The following IL1R2 variants were observed in gnomAD, a reference collection of about 807,000 sequenced individuals.
IL1R2 encodes interleukin-1 receptor type 2.
A neutral mutation model predicts 39.5 loss-of-function variants in IL1R2; 46 were observed. The observed-to-expected ratio is 1.16, with a 90% CI of 0.92 to 1.49. The LOEUF is 1.49. IL1R2 is among the 40% of genes most tolerant of loss of function. The pLI is 0.00. For synonymous variants in IL1R2, 207 were observed against 189.6 expected, an observed-to-expected ratio of 1.09 and a Z score of -0.75; for missense variants, 537 against 502.0, an observed-to-expected ratio of 1.07 and a Z score of -0.67.
intron 6 of IL1R2, 132 bp downstream of exon 6, chr2:102,022,381 T>C (rs1677458863): frequency 1.3e-6 from 1 of 742,682 alleles, no homozygotes; most frequent in Non-Finnish European, 2.4e-6. Flanking sequence ...GTGGAGACCT[T>C]AGAACTCCAG....
chr2:102,007,470 C>T lies in IL1R2; in HGVS notation c.-61-1045C>T, dbSNP rs532006625. Among the ~76,000 whole-genome samples, 11 of 152,258 alleles carry T rather than the reference C, an allele frequency of 7.2e-5. No homozygotes were observed. The East Asian group carries it at 1.7e-3, about 24-fold the overall frequency. On this transcript the variant is annotated intron_variant, in intron 1 of 8. Transcript: ENST00000332549. Reference sequence around the variant, plus strand: ...GCTTTGAGTGATCCATTAACTCACTCATTCATTCATTCAAAAAATGAGAGT... The same window carrying T: ...GCTTTGAGTGATCCATTAACTCACTTATTCATTCATTCAAAAAATGAGAGT...
chr2:102,018,294 C>G (rs1677135882), intron 4 of IL1R2, among the ~76,000 whole-genome samples: 1 of 152,208 alleles, frequency 6.6e-6, no homozygotes, highest in Non-Finnish European at 1.5e-5. Context: ...AAAGTTTTTA[C>G]CTGGAGAGGA....
chr2:102,026,246 C>A lies in IL1R2; in HGVS notation c.1023C>A (p.Val341=). ...GTTTTCAGACACTACGCACCACAGT[C>A]AAGGAAGGTATGTATGTATTTTGGG... The part of the protein sequence containing the change: ...TLSFQTLRTT[V]KEASSTFSWG... Residue 341 remains valine (V), a synonymous_variant, in exon 8 of 9, where the codon GTC becomes GTA. Coordinates refer to ENST00000332549, the MANE Select transcript of IL1R2 (RefSeq NM_004633.4). 2 of 1,609,024 alleles carry A rather than the reference C, an allele frequency of 1.2e-6. No individual in the cohort carries two copies. Among genetic ancestry groups the A allele is most frequent in the South Asian group, 2.2e-5 (2 of 90,096 alleles).
chr2:101,998,363 G>A (rs574206281), intron 1 of IL1R2, among the ~76,000 whole-genome samples: 4 of 152,182 alleles, frequency 2.6e-5, no homozygotes, highest in Non-Finnish European at 5.9e-5. Context: ...GCAATCAGCT[G>A]CCGCTTTTTT....
intron 1 of IL1R2, among the ~76,000 whole-genome samples, chr2:102,008,048 C>G (rs1450358531): frequency 6.6e-6 from 1 of 152,026 alleles, no homozygotes; most frequent in Non-Finnish European, 1.5e-5. Flanking sequence ...AGAGGGGAGA[C>G]AAGGCTGATG....
chr2:102,005,311 A>G (rs1302912866), intron 1 of IL1R2, among the ~76,000 whole-genome samples: 1 of 152,242 alleles, frequency 6.6e-6, no homozygotes, highest in Non-Finnish European at 1.5e-5. Flanking sequence ...AGAGTCAACC[A>G]GCAGAAACTG....
At chr2:102,023,748 A>C (rs1677540620) in intron 6 of IL1R2, 1 of 152,278 alleles carries the variant, frequency 6.6e-6, no homozygotes, top group Non-Finnish European at 1.5e-5. Context: ...CACCATCTAT[A>C]GAAAACACAG....
In IL1R2 at chr2:102,009,649, A is replaced by G; in HGVS notation, c.155A>G (p.Gln52Arg). The change falls in exon 3 of 9, where the codon CAG becomes CGG. Residue 52 changes from glutamine (Q) to arginine (R), a missense_variant. Physicochemically the swap from Gln to Arg is conservative, Grantham distance 43. Coordinates refer to ENST00000332549, the MANE Select transcript of IL1R2 (RefSeq NM_004633.4). ...GAGCCTGTAGCCCTGAGGTGCCCCC[A>G]GGTGCCCTACTGGTTGTGGGCCTCT... Reference protein sequence around the residue: ...EGEPVALRCPQVPYWLWASVS... With the variant: ...EGEPVALRCPRVPYWLWASVS... 6.2e-7 allele frequency: 1 copy of G among 1,614,172 alleles called. No individual in the cohort carries two copies. Among genetic ancestry groups the G allele is most frequent in the Non-Finnish European group, 8.5e-7 (1 of 1,180,010 alleles).
intron 2 of IL1R2, among the ~76,000 whole-genome samples, chr2:102,009,323 G>A (rs1676469236): frequency 6.6e-6 from 1 of 152,168 alleles, no homozygotes; most frequent in Admixed American, 6.5e-5. Flanking sequence ...AACATAAGTT[G>A]GAATGGATAG....
At chr2:101,994,165 A>G (rs1675474017) in intron 1 of IL1R2, among the ~76,000 whole-genome samples, 1 of 152,196 alleles carries the variant, frequency 6.6e-6, no homozygotes, top group Non-Finnish European at 1.5e-5. Context: ...GTTTCAGGGC[A>G]GCTATCCTCT....
At chr2:102,015,283 C>T (rs1471634924) in intron 3 of IL1R2, among the ~76,000 whole-genome samples, 1 of 152,118 alleles carries the variant, frequency 6.6e-6, no homozygotes, top group Non-Finnish European at 1.5e-5. Flanking sequence ...TCTTAATGAA[C>T]CTTGGTGGCA....
At chr2:102,025,807 T>G (rs191276161) in intron 7 of IL1R2, among the ~76,000 whole-genome samples, 89 of 152,318 alleles carry the variant, frequency 5.8e-4, no homozygotes, top group East Asian at 3.9e-3. Context: ...ACTGTTTTTT[T>G]TTGTTGTTGT....
intron 3 of IL1R2, among the ~76,000 whole-genome samples, chr2:102,011,088 G>A (rs138724884): frequency 5.5e-4 from 84 of 152,286 alleles, no homozygotes; most frequent in African/African-American, 1.9e-3. Context: ...TTATGAGGTG[G>A]AATATTATTA....
intron 1 of IL1R2, among the ~76,000 whole-genome samples, chr2:102,007,835 A>G (rs868788851): frequency 2.0e-5 from 3 of 152,254 alleles, no homozygotes; most frequent in Admixed American, 6.5e-5. Context: ...TTCACATATG[A>G]TAAGGTAAAC....
intron 1 of IL1R2, among the ~76,000 whole-genome samples, chr2:102,001,792 G>A (rs1037993485): frequency 2.0e-5 from 3 of 152,058 alleles, no homozygotes; most frequent in Non-Finnish European, 4.4e-5. Context: ...GGTTAATTTT[G>A]ATGTAAATAT....
intron 1 of IL1R2, among the ~76,000 whole-genome samples, chr2:101,997,212 AGGTCT>A (rs1215463647): frequency 6.6e-6 from 1 of 152,114 alleles, no homozygotes; most frequent in Non-Finnish European, 1.5e-5. Context: ...GGAAAACCCG[AGGTCT>A]GGTGCCTCAG....
chr2:102,025,491 C>T (rs993861916), intron 7 of IL1R2, among the ~76,000 whole-genome samples: 1 of 152,192 alleles, frequency 6.6e-6, no homozygotes, highest in Non-Finnish European at 1.5e-5. Flanking sequence ...TTAAAGGAAC[C>T]TATATTCCCC....
intron 1 of IL1R2, among the ~76,000 whole-genome samples, chr2:101,998,709 T>A (rs142954419): frequency 1.3e-5 from 2 of 152,180 alleles, no homozygotes; most frequent in East Asian, 3.9e-4. Context: ...GCTAGGATTG[T>A]CAACCAATGC....
At chr2:101,999,880 A>G (rs892921758) in intron 1 of IL1R2, among the ~76,000 whole-genome samples, 1 of 152,198 alleles carries the variant, frequency 6.6e-6, no homozygotes, top group Non-Finnish European at 1.5e-5. Context: ...CAACATTTAT[A>G]TTGTGTATTT....
Sources: gnomAD v4.1 joint callset for allele counts (sites outside exome capture counted in the v4.1 genomes callset) on GRCh38, gnomAD v4.1.1 for gene constraint, MANE v1.5 for transcripts, NCBI Gene and HGNC (gene_info 2026-07-23, HGNC 2026-07-21) for gene names.